The following ACSF2 variants were observed in gnomAD, a reference collection of about 807,000 sequenced individuals.
ACSF2 encodes medium-chain acyl-CoA ligase ACSF2, mitochondrial.
In ACSF2, 52 loss-of-function variants were observed where a neutral mutation model predicts 79.3. The ratio of observed to expected loss-of-function variants is 0.66; its 90% CI spans 0.53 to 0.83. The LOEUF (loss-of-function observed/expected upper bound fraction) is 0.83. ACSF2 is among the 40% of genes least tolerant of loss of function. The pLI is 0.00. For synonymous variants in ACSF2, 283 were observed against 312.6 expected (o/e 0.91, Z 1.00); for missense variants, 661 against 803.3 (o/e 0.82, Z 2.14).
intron 1 of ACSF2, among the ~76,000 whole-genome samples, chr17:50,435,202 A>T (rs571634976): frequency 3.7e-4 from 56 of 152,240 alleles, no homozygotes; most frequent in African/African-American, 1.3e-3. Context: ...GAAGCCAAGG[A>T]GTGCTTTTGG....
intron 1 of ACSF2, among the ~76,000 whole-genome samples, chr17:50,439,301 C>T (rs917395905): frequency 6.8e-6 from 1 of 147,600 alleles, no homozygotes; most frequent in Non-Finnish European, 1.5e-5. Flanking sequence ...TCTCAAACTC[C>T]TGGGCACAAG....
rs1240216270 is a variant in ACSF2, at chr17:50,465,980, T to C, written c.1215+1686T>C. On this transcript the variant is annotated intron_variant, in intron 10 of 15. Coordinates refer to ENST00000300441, the MANE Select transcript of ACSF2 (RefSeq NM_025149.6). Reference sequence around the variant, plus strand: ...TTCCCTGAACCTGAGCCATAGCACTTTGAGGAGTTTCCCAGTTTTCAAAGC... The same window carrying C: ...TTCCCTGAACCTGAGCCATAGCACTCTGAGGAGTTTCCCAGTTTTCAAAGC... 3 of 1,219,592 alleles carry C rather than the reference T, an allele frequency of 2.5e-6. No homozygotes were observed. The East Asian group carries it at 7.0e-5, about 29-fold the overall frequency. 75.5% of individuals were successfully genotyped at this position (1,219,592 alleles called of 1,614,324 possible). A position where few individuals can be genotyped will look rare whatever the true frequency, so the allele number is the denominator to read the frequency against.
intron 1 of ACSF2, among the ~76,000 whole-genome samples, chr17:50,437,859 C>T (rs1235669828): frequency 1.3e-5 from 2 of 152,054 alleles, no homozygotes; most frequent in Admixed American, 1.3e-4. Context: ...TAACAAACAC[C>T]TGTGTGTCTG....
intron 10 of ACSF2, among the ~76,000 whole-genome samples, chr17:50,469,210 G>T (rs2032973336): frequency 6.6e-6 from 1 of 152,258 alleles, no homozygotes; most frequent in Admixed American, 6.5e-5. Flanking sequence ...ACATCGGAGA[G>T]AGGGAGGCGT....
Position 50,474,705 on chromosome 17 carries a change from T to C in ACSF2, c.*153T>C, listed in dbSNP as rs1001270685. 44 of 848,160 alleles carry C rather than the reference T, an allele frequency of 5.2e-5. No homozygotes were observed. Among genetic ancestry groups the C allele is most frequent in the Non-Finnish European group, 7.7e-5 (42 of 546,954 alleles). The allele number at this position is 848,160 out of a possible 1,614,324, so 52.5% of individuals were successfully genotyped here. A position where few individuals can be genotyped will look rare whatever the true frequency, so the allele number is the denominator to read the frequency against. ...ACTGAACGAACTAAGAGCTCCTGGA[T>C]GGGTCCGGGAACTCGCCTGGGCACA... On this transcript the variant is annotated 3_prime_UTR_variant, in exon 16 of 16. Transcript: ENST00000300441. This position sits in a 1 kb window ranked among gnomAD's most constrained non-coding sequence, Gnocchi z 4.2.
At position 50,463,456 on chromosome 17, in the gene ACSF2, C is replaced by G. The variant is rs1462826557; in HGVS notation, c.950C>G (p.Ala317Gly). The change falls in exon 8 of 16, where the codon GCA (alanine) becomes GGA (glycine). Residue 317 changes from alanine to glycine, a missense_variant. Ala to Gly is a moderately conservative substitution (Grantham distance 60). Transcript: ENST00000300441. This position sits in a 1 kb window ranked among gnomAD's most constrained non-coding sequence, Gnocchi z 4.6. The stretch of plus-strand genomic sequence containing the variant: ...CTGTACCATTGCCTGGGTTCCGTGG[C>G]AGGCACAATGATGTGTCTGATGTAC... ...NPLYHCLGSV[A>G]GTMMCLMYGA... The G allele has an allele frequency of 1.2e-6, 2 of 1,614,160 alleles. No homozygotes were observed. Among genetic ancestry groups the G allele is most frequent in the Non-Finnish European group, 1.7e-6 (2 of 1,180,032 alleles).
Position 50,449,682 on chromosome 17 carries a change from C to T in ACSF2, c.129-10995C>T, listed in dbSNP as rs886844406. On this transcript the variant is annotated intron_variant, in intron 1 of 15. Transcript: ENST00000300441. Reference sequence around the variant, plus strand: ...ACCCGCCTCGGCCTCCCAAAGTGCTCGGATTACAGGCGTGAGCCACCACTC... The same window carrying T: ...ACCCGCCTCGGCCTCCCAAAGTGCTTGGATTACAGGCGTGAGCCACCACTC... Among the ~76,000 whole-genome samples the T allele has an allele frequency of 2.1e-4, 32 of 151,212 alleles. 1 individual carries two copies. Among genetic ancestry groups the T allele is most frequent in the South Asian group, 2.1e-4 (1 of 4,774 alleles).
chr17:50,445,829 A>C (rs537296465), intron 1 of ACSF2, among the ~76,000 whole-genome samples: 96 of 152,114 alleles, frequency 6.3e-4, no homozygotes, highest in Non-Finnish European at 9.1e-4. Flanking sequence ...AAAATTGTAA[A>C]GCTGCCCTCT....
rs1355428530 is a variant in ACSF2, at chr17:50,463,481, C to T, written c.975C>T (p.Tyr325=). 1.2e-5 allele frequency: 20 copies of T among 1,613,992 alleles called. No homozygotes were observed. The highest frequency in any genetic ancestry group is 1.7e-5 in the Admixed American group (1 of 60,002). Residue 325 remains tyrosine, a synonymous_variant, in exon 8 of 16, where the codon TAC becomes TAT. Transcript: ENST00000300441. This position sits in a 1 kb window ranked among gnomAD's most constrained non-coding sequence, Gnocchi z 4.6. The part of the protein sequence containing the change: ...SVAGTMMCLM[Y]GATLILASPI... ...CAGGCACAATGATGTGTCTGATGTA[C>T]GGTGCCACCCTCATCCTGGCCTCTC... is the stretch of plus-strand genomic sequence containing the variant.
In ACSF2 at chr17:50,436,082, TAGTC is replaced by T. The variant is rs1035014073; in HGVS notation, c.128+9696_128+9699del. Among the ~76,000 whole-genome samples the T allele has an allele frequency of 2.4e-4, 36 of 152,250 alleles. 1 individual carries two copies. The highest frequency in any genetic ancestry group is 9.6e-4 in the East Asian group (5 of 5,190). On this transcript the variant is annotated intron_variant, in intron 1 of 15. Transcript: ENST00000300441. ...TTTTGCTTATATAGAATGTGAGACTTAGTCAGAGTTCATTTTTGTTGTTGTTGTT... is the reference window on the plus strand; with the variant it reads ...TTTTGCTTATATAGAATGTGAGACTTAGAGTTCATTTTTGTTGTTGTTGTT...
At position 50,463,289 on chromosome 17, in the gene ACSF2, G is replaced by A; in HGVS notation, c.888+38G>A. 6.2e-7 allele frequency: 1 copy of A among 1,612,872 alleles called. No individual in the cohort carries two copies. The highest frequency in any genetic ancestry group is 2.2e-5 in the East Asian group (1 of 44,874). On this transcript the variant is annotated intron_variant, in intron 7 of 15. Transcript: ENST00000300441. The surrounding 1 kb of genome is among the most constrained non-coding windows in gnomAD (Gnocchi z 4.6). Reference sequence around the variant, plus strand: ...TAGGCCCAGGGCAAGGCTGCAGGAGGGGTGGCTCAGGCAGGGGTGGGGGGC... The same window carrying A: ...TAGGCCCAGGGCAAGGCTGCAGGAGAGGTGGCTCAGGCAGGGGTGGGGGGC...
chr17:50,437,242 T>C (rs1283532611), intron 1 of ACSF2, among the ~76,000 whole-genome samples: 1 of 152,242 alleles, frequency 6.6e-6, no homozygotes, highest in Non-Finnish European at 1.5e-5. Flanking sequence ...AGGAGATATA[T>C]TGGACCAATG....
chr17:50,461,461 C>T (rs968689824), intron 3 of ACSF2, 91 bp downstream of exon 3: 6 of 1,598,606 alleles, frequency 3.8e-6, no homozygotes, highest in Non-Finnish European at 4.3e-6. Context: ...AGGATCAAAC[C>T]AGTGCCTTGT....
chr17:50,462,303 G>A lies in ACSF2; in HGVS notation c.626+1G>A. ...AGCCAGGGGCCTTGAAGAGTCAGAG[G>A]TGGGTGTGTCCCAGGTTAGTGGGTG... On this transcript the variant is annotated splice_donor_variant, in intron 5 of 15. Coordinates refer to ENST00000300441, the MANE Select transcript of ACSF2 (RefSeq NM_025149.6). LOFTEE classifies it high-confidence loss of function. The A allele has an allele frequency of 6.2e-7, 1 of 1,613,940 alleles. No homozygotes were observed. Among genetic ancestry groups the A allele is most frequent in the Non-Finnish European group, 8.5e-7 (1 of 1,179,966 alleles).
chr17:50,453,212 A>AT (rs2031783496), intron 1 of ACSF2, among the ~76,000 whole-genome samples: 3 of 151,764 alleles, frequency 2.0e-5, no homozygotes, highest in African/African-American at 7.2e-5. Flanking sequence ...TTTTTTAAAC[A>AT]TTTTTTTAAA....
In ACSF2 at chr17:50,471,184, G is replaced by T. The variant is rs1035528713; in HGVS notation, c.1323+49G>T. ...AAGTCCCACCTCCCGTCACCCAGCT[G>T]GGGTGCACCCAGCTGGGACATCGGT... On this transcript the variant is annotated intron_variant, in intron 11 of 15. Transcript: ENST00000300441. The surrounding 1 kb of genome is among the most constrained non-coding windows in gnomAD (Gnocchi z 4.1). The T allele has an allele frequency of 6.7e-7, 1 of 1,491,958 alleles. No homozygotes were observed. Among genetic ancestry groups the T allele is most frequent in the East Asian group, 2.3e-5 (1 of 44,262 alleles). 92.4% of individuals were successfully genotyped at this position (1,491,958 alleles called of 1,614,324 possible).
rs1457583012 is a variant in ACSF2, at chr17:50,472,517, C to T, written c.1413C>T (p.Gly471=). 1 of 1,612,798 alleles carries T rather than the reference C, an allele frequency of 6.2e-7. No individual in the cohort carries two copies. The highest frequency in any genetic ancestry group is 1.7e-5 in the Admixed American group (1 of 59,870). ...LCIRGYCVML[G]YWGEPQKTEE... ...TCCGAGGGTACTGCGTCATGCTGGG[C>T]TACTGGGGTGAGCCTCAGAAGACAG... is the stretch of plus-strand genomic sequence containing the variant. The change falls in exon 12 of 16, where the codon GGC becomes GGT. Residue 471 remains glycine (G), a synonymous_variant. Coordinates refer to ENST00000300441, the MANE Select transcript of ACSF2 (RefSeq NM_025149.6).
intron 1 of ACSF2, among the ~76,000 whole-genome samples, chr17:50,456,334 C>T (rs1047698052): frequency 3.3e-5 from 5 of 152,126 alleles, no homozygotes; most frequent in African/African-American, 1.2e-4. Context: ...GGCACAGAAA[C>T]CCTGAAGAGA....
intron 10 of ACSF2, chr17:50,465,383 A>G: frequency 1.2e-6 from 2 of 1,613,840 alleles, no homozygotes; most frequent in Non-Finnish European, 1.7e-6. Context: ...CTGGCCCTTG[A>G]ACTTGGCAGG....
Sources: gnomAD v4.1 joint callset for allele counts (sites outside exome capture counted in the v4.1 genomes callset) on GRCh38, gnomAD v4.1.1 for gene constraint, Gnocchi (gnomAD v3.1) non-coding constraint, MANE v1.5 for transcripts, NCBI Gene and HGNC (gene_info 2026-07-23, HGNC 2026-07-21) for gene names.